Variants in DIP2C observed in about 807,000 individuals in gnomAD.
The protein encoded by DIP2C is disco-interacting protein 2 homolog C.
In DIP2C, 33 loss-of-function variants were observed where a neutral mutation model predicts 192.4. The ratio of observed to expected loss-of-function variants is 0.17; its 90% CI spans 0.13 to 0.23. DIP2C has a LOEUF of 0.23. Among genes scored for constraint, DIP2C ranks in the 10% least tolerant of loss-of-function variants. The probability of loss-of-function intolerance (pLI) is 1.00; values close to 1 mark genes in which losing one functional copy is unlikely to be tolerated. For synonymous variants in DIP2C, 979 were observed against 864.1 expected (o/e 1.13, Z -2.33); for missense variants, 1,537 against 2,110.1 (o/e 0.73, Z 5.32).
intron 29 of DIP2C, among the ~76,000 whole-genome samples, chr10:340,493 C>T (rs916339368): frequency 6.6e-6 from 1 of 152,170 alleles, no homozygotes; most frequent in Admixed American, 6.5e-5. Context: ...AGAAAATGAA[C>T]TCTGAAAACT....
At chr10:391,188 C>T (rs1180458557) in intron 10 of DIP2C, among the ~76,000 whole-genome samples, 1 of 152,236 alleles carries the variant, frequency 6.6e-6, no homozygotes, top group Non-Finnish European at 1.5e-5. Flanking sequence ...TCTCCAATTC[C>T]ATAAGACTAT....
At chr10:311,620 G>T in intron 31 of DIP2C, 1 of 1,222,428 alleles carries the variant, frequency 8.2e-7, no homozygotes, top group Non-Finnish European at 1.0e-6. Flanking sequence ...CCAGACAACA[G>T]AAACCAACAC....
rs144383708 is a variant in DIP2C at position 518,693 on chromosome 10, CTGT to C, written c.86-32166_86-32164del. On this transcript the variant is annotated intron_variant, in intron 1 of 36. Transcript: ENST00000280886. ...CTCCAGAACTGTGAGAAACAAATTC[CTGT>C]TGTTTAGAGGCCAGTCAATGGTGTT... is the stretch of plus-strand genomic sequence containing the variant. 1.3e-3 allele frequency among the ~76,000 whole-genome samples: 200 copies of C among 152,320 alleles called. 6 individuals carry two copies. In the East Asian group the frequency reaches 0.034, roughly 26 times the overall value.
chr10:344,313 T>G (rs949903782), intron 28 of DIP2C, among the ~76,000 whole-genome samples: 2 of 135,238 alleles, frequency 1.5e-5, no homozygotes, highest in East Asian at 4.5e-4. Context: ...CTGTGCGAGG[T>G]AAAGCCAGCT....
intron 3 of DIP2C, among the ~76,000 whole-genome samples, chr10:448,623 C>T (rs1290057095): frequency 5.1e-5 from 6 of 117,440 alleles, no homozygotes; most frequent in East Asian, 2.9e-4. Flanking sequence ...TCACTCCCGT[C>T]GATACTCAGG....
chr10:667,363 T>A (rs1300409985), intron 1 of DIP2C: 1 of 152,286 alleles, frequency 6.6e-6, no homozygotes, highest in Non-Finnish European at 1.5e-5. Context: ...GAGGCAAACA[T>A]GCTGCTGCTT....
At chr10:640,565 G>A (rs1037246705) in intron 1 of DIP2C, among the ~76,000 whole-genome samples, 2 of 152,144 alleles carry the variant, frequency 1.3e-5, no homozygotes, top group African/African-American at 2.4e-5. Flanking sequence ...GACAGACCCC[G>A]GGTAGACGCG....
intron 3 of DIP2C, among the ~76,000 whole-genome samples, chr10:469,410 G>A (rs940922199): frequency 2.7e-5 from 4 of 150,680 alleles, no homozygotes; most frequent in African/African-American, 7.3e-5. Flanking sequence ...TCCACCTCCC[G>A]GGTTCAAGAG....
chr10:296,893 T>TGGGGGGA (rs1554808499), intron 32 of DIP2C, among the ~76,000 whole-genome samples: 1 of 65,692 alleles, frequency 1.5e-5, no homozygotes, highest in Non-Finnish European at 2.7e-5. Context: ...TGTTGTGGGG[T>TGGGGGGA]GGGGGGAGGG....
chr10:440,818 T>C (rs1405794534), intron 4 of DIP2C, 53 bp downstream of exon 4: 1 of 1,574,644 alleles, frequency 6.4e-7, no homozygotes, highest in Non-Finnish European at 8.6e-7. Context: ...GCTAGGTCAA[T>C]TCTGAGGTGC....
At chr10:341,475 G>T in intron 28 of DIP2C, 146 bp from the exon 29 acceptor site, 1 of 1,248,488 alleles carries the variant, frequency 8.0e-7, no homozygotes, top group Non-Finnish European at 1.1e-6. Flanking sequence ...GGGCTGCACT[G>T]AACGCAAGGC....
intron 10 of DIP2C, among the ~76,000 whole-genome samples, chr10:393,130 G>A (rs536899416): frequency 1.1e-4 from 16 of 152,278 alleles, no homozygotes; most frequent in South Asian, 2.1e-4. Flanking sequence ...GGCCAACTCC[G>A]GGAAACAGGT....
chr10:552,591 C>T (rs1269739314), intron 1 of DIP2C, among the ~76,000 whole-genome samples: 1 of 152,266 alleles, frequency 6.6e-6, no homozygotes, highest in African/African-American at 2.4e-5. Context: ...TGGTTCACGC[C>T]TGTAATCCCA....
chr10:581,206 C>CT (rs1229515172), intron 1 of DIP2C, among the ~76,000 whole-genome samples: 1 of 152,170 alleles, frequency 6.6e-6, no homozygotes, highest in Non-Finnish European at 1.5e-5. Flanking sequence ...CTCTAGTCTA[C>CT]TTGTTTCCCT....
chr10:292,880 G>C (rs137968778), intron 32 of DIP2C, among the ~76,000 whole-genome samples: 1 of 152,196 alleles, frequency 6.6e-6, no homozygotes, highest in Non-Finnish European at 1.5e-5. Context: ...ATGCAAAGGC[G>C]GATGAGCACA....
chr10:569,598 CTT>C (rs10571484), intron 1 of DIP2C, among the ~76,000 whole-genome samples: 3 of 151,962 alleles, frequency 2.0e-5, no homozygotes, highest in African/African-American at 4.8e-5. Flanking sequence ...GTTTTATATT[CTT>C]TTTTAAAAAA....
intron 31 of DIP2C, among the ~76,000 whole-genome samples, chr10:319,894 T>C (rs1294390545): frequency 1.3e-5 from 2 of 152,158 alleles, no homozygotes; most frequent in Non-Finnish European, 1.5e-5. Context: ...AACTAAGAAT[T>C]CCCTTAAAGA....
At chr10:387,858 A>G (rs187989616) in intron 13 of DIP2C, 49 bp from the exon 14 acceptor site, 1 of 1,585,836 alleles carries the variant, frequency 6.3e-7, no homozygotes, top group Admixed American at 1.7e-5. Flanking sequence ...CAGGGCGGCA[A>G]CAGATCAAAA....
chr10:529,661 G>C (rs1028495049), intron 1 of DIP2C, among the ~76,000 whole-genome samples: 15 of 152,214 alleles, frequency 9.9e-5, no homozygotes, highest in Non-Finnish European at 2.1e-4. Flanking sequence ...TGGCTCCGTT[G>C]CATCTTTGTG....
Sources: allele counts gnomAD v4.1 joint callset (sites outside exome capture counted in the v4.1 genomes callset), GRCh38; gene constraint gnomAD v4.1.1; transcripts MANE v1.5; gene names NCBI Gene and HGNC (gene_info 2026-07-23, HGNC 2026-07-21).